Variants in OSTF1 observed in about 807,000 individuals in gnomAD.
OSTF1 encodes osteoclast stimulating factor 1.
A neutral mutation model predicts 37.2 loss-of-function variants in OSTF1; 27 were observed. That is an observed-to-expected ratio of 0.73 (90% CI 0.54 to 1.00). OSTF1 has a LOEUF of 1.00. Among genes scored for constraint, OSTF1 ranks in the 50% least tolerant of loss-of-function variants. OSTF1 has a pLI of 0.00. For missense variants in OSTF1, 232 were observed against 253.8 expected (o/e 0.91, Z 0.58); for synonymous variants, 82 against 89.2 (o/e 0.92, Z 0.46).
intron 3 of OSTF1, among the ~76,000 whole-genome samples, chr9:75,130,044 C>T (rs1035184862): frequency 3.9e-5 from 6 of 152,010 alleles, no homozygotes; most frequent in Non-Finnish European, 7.4e-5. Context: ...GGAGGGACGT[C>T]ATGGGGGCAT....
At chr9:75,115,569 CAAAT>C (rs1038319048) in intron 1 of OSTF1, among the ~76,000 whole-genome samples, 4 of 151,920 alleles carry the variant, frequency 2.6e-5, no homozygotes, top group East Asian at 1.9e-4. Flanking sequence ...AAATAGCTAT[CAAAT>C]AGATAGTCCC....
At chr9:75,134,728 C>A (rs1398506801) in intron 7 of OSTF1, among the ~76,000 whole-genome samples, 1 of 152,192 alleles carries the variant, frequency 6.6e-6, no homozygotes, top group African/African-American at 2.4e-5. Flanking sequence ...GCTGCCCCAG[C>A]TCTCATCTTT....
At chr9:75,137,452 G>A (rs1163927134) in intron 7 of OSTF1, 86 bp from the exon 8 acceptor site, 3 of 863,668 alleles carry the variant, frequency 3.5e-6, no homozygotes, top group Non-Finnish European at 5.7e-6. Flanking sequence ...TAACTTTTAG[G>A]TTTAACTGGG....
chr9:75,139,978 C>T (rs1282697681), intron 8 of OSTF1, among the ~76,000 whole-genome samples: 1 of 152,100 alleles, frequency 6.6e-6, no homozygotes, highest in Non-Finnish European at 1.5e-5. Flanking sequence ...TAGGAGTAGC[C>T]TAAGTGCCCG....
At chr9:75,137,700 A>C (rs1825865431) in intron 8 of OSTF1, 84 bp downstream of exon 8, 2 of 831,486 alleles carry the variant, frequency 2.4e-6, no homozygotes, top group African/African-American at 3.3e-5. Context: ...AATGGTAGGA[A>C]GAATAATAGT....
chr9:75,124,794 G>T (rs1825636540), intron 2 of OSTF1, among the ~76,000 whole-genome samples: 1 of 152,100 alleles, frequency 6.6e-6, no homozygotes, highest in Admixed American at 6.5e-5. Flanking sequence ...AAAGTGTTTT[G>T]TTTGTTTAAA....
At chr9:75,095,357 TAAACAG>T (rs982136821) in intron 1 of OSTF1, among the ~76,000 whole-genome samples, 10 of 152,310 alleles carry the variant, frequency 6.6e-5, no homozygotes, top group East Asian at 3.9e-4. Context: ...GAGCATGTCT[TAAACAG>T]AAAAATCTCA....
At chr9:75,093,524 T>C (rs1006109382) in intron 1 of OSTF1, among the ~76,000 whole-genome samples, 1 of 152,206 alleles carries the variant, frequency 6.6e-6, no homozygotes, top group Non-Finnish European at 1.5e-5. Context: ...AAATGGCTTA[T>C]TGATTTTGGT....
chr9:75,120,353 C>T (rs1486832893), intron 2 of OSTF1, among the ~76,000 whole-genome samples: 1 of 152,060 alleles, frequency 6.6e-6, no homozygotes, highest in Non-Finnish European at 1.5e-5. Context: ...CATTTTATGC[C>T]TCTGCTTGTC....
chr9:75,117,622 G>C, intron 2 of OSTF1, 72 bp downstream of exon 2: 1 of 1,081,382 alleles, frequency 9.2e-7, no homozygotes, highest in South Asian at 1.3e-5. Flanking sequence ...CATTTCCTCT[G>C]GTGTGAATGG....
Position 75,088,572 on chromosome 9 carries a change from T to A in OSTF1, c.-121T>A. ...TCCCGCAGCCAAGGGTGGGCGCCGG[T>A]CCTAGGAGGCGCACGGTTGTAAGCC... On this transcript the variant is annotated 5_prime_UTR_variant, in exon 1 of 10. Transcript: ENST00000346234. 2 of 1,079,420 alleles carry A rather than the reference T, an allele frequency of 1.9e-6. No homozygotes were observed. Among genetic ancestry groups the A allele is most frequent in the Non-Finnish European group, 2.8e-6 (2 of 722,226 alleles). The allele number at this position is 1,079,420 out of a possible 1,614,324, so 66.9% of individuals were successfully genotyped here.
intron 2 of OSTF1, among the ~76,000 whole-genome samples, chr9:75,123,791 T>C (rs1022734836): frequency 6.6e-6 from 1 of 152,192 alleles, no homozygotes; most frequent in Non-Finnish European, 1.5e-5. Context: ...GAGAATAAAC[T>C]GTCGACTGTA....
intron 1 of OSTF1, among the ~76,000 whole-genome samples, chr9:75,100,569 A>C (rs1825172823): frequency 6.6e-6 from 1 of 152,038 alleles, no homozygotes; most frequent in Non-Finnish European, 1.5e-5. Flanking sequence ...GTCTCTACTA[A>C]AAATACAAAA....
intron 7 of OSTF1, among the ~76,000 whole-genome samples, chr9:75,136,925 G>A (rs1278503644): frequency 2.0e-5 from 3 of 152,108 alleles, no homozygotes; most frequent in African/African-American, 7.2e-5. Flanking sequence ...TGGGCAGTGG[G>A]GTACGTAAAG....
chr9:75,088,807 A>G, intron 1 of OSTF1, 81 bp downstream of exon 1: 1 of 1,376,182 alleles, frequency 7.3e-7, no homozygotes, highest in Non-Finnish European at 1.0e-6. Flanking sequence ...GGCAGGGAGG[A>G]CCCGGCGCGC....
intron 1 of OSTF1, among the ~76,000 whole-genome samples, chr9:75,089,875 T>A (rs1366365355): frequency 4.6e-5 from 7 of 152,232 alleles, no homozygotes; most frequent in Non-Finnish European, 8.8e-5. Flanking sequence ...GTTCCTGCAG[T>A]TGGAGTATGA....
chr9:75,128,387 TATATATATATATATA>T lies in OSTF1; in HGVS notation c.132+769_132+783del, dbSNP rs1564164983. 1.9e-3 allele frequency among the ~76,000 whole-genome samples: 176 copies of T among 91,678 alleles called. 8 individuals are homozygous for T. The highest frequency in any genetic ancestry group is 4.5e-3 in the African/African-American group (100 of 22,130). The allele number at this position is 91,678 out of a possible 152,430, so 60.1% of individuals were successfully genotyped here. On this transcript the variant is annotated intron_variant, in intron 3 of 9. Coordinates refer to ENST00000346234, the MANE Select transcript of OSTF1 (RefSeq NM_012383.5). The stretch of plus-strand genomic sequence containing the variant: ...ACATATATATATATATATATATATA[TATATATATATATATA>T]TATATTTTGTCCATATATATATATA...
At chr9:75,121,857 A>C (rs923620079) in intron 2 of OSTF1, among the ~76,000 whole-genome samples, 30 of 152,136 alleles carry the variant, frequency 2.0e-4, no homozygotes, top group African/African-American at 7.2e-4. Flanking sequence ...TCTGAGGGAC[A>C]TTGCTGGCAT....
In OSTF1 at chr9:75,146,820, G is replaced by A; in HGVS notation, c.*79G>A. 9.8e-7 allele frequency: 1 copy of A among 1,022,250 alleles called. No homozygotes were observed. The highest frequency in any genetic ancestry group is 1.5e-6 in the Non-Finnish European group (1 of 667,292). The allele number at this position is 1,022,250 out of a possible 1,614,324, so 63.3% of individuals were successfully genotyped here. ...ACTTTGTCTTTGCCAGAAAAGTGTTGGTAACTATAAAGAAAATTATATATG... is the reference window on the plus strand; with the variant it reads ...ACTTTGTCTTTGCCAGAAAAGTGTTAGTAACTATAAAGAAAATTATATATG... On this transcript the variant is annotated 3_prime_UTR_variant, in exon 10 of 10. Transcript: ENST00000346234.
Sources: gnomAD v4.1 joint callset for allele counts (sites outside exome capture counted in the v4.1 genomes callset) on GRCh38, gnomAD v4.1.1 for gene constraint, MANE v1.5 for transcripts, NCBI Gene and HGNC (gene_info 2026-07-23, HGNC 2026-07-21) for gene names.